The following ANAPC5 variants were observed in gnomAD, a reference collection of about 807,000 sequenced individuals.
ANAPC5 encodes the protein anaphase promoting complex subunit 5.
Under a neutral mutation model 91.3 loss-of-function variants are expected in ANAPC5, and 60 were observed. That is an observed-to-expected ratio of 0.66 (90% CI 0.53 to 0.81). The LOEUF (loss-of-function observed/expected upper bound fraction) is 0.81, where lower values mean the gene tolerates loss of function less well. ANAPC5 is among the 40% of genes least tolerant of loss of function. The probability of loss-of-function intolerance (pLI) is 0.00; values close to 1 mark genes in which losing one functional copy is unlikely to be tolerated. For missense variants in ANAPC5, 690 were observed against 931.5 expected (o/e 0.74, Z 3.37); for synonymous variants, 340 against 364.1 (o/e 0.93, Z 0.75).
chr12:121,313,546 C>T (rs930959359), intron 15 of ANAPC5, among the ~76,000 whole-genome samples: 3 of 152,030 alleles, frequency 2.0e-5, no homozygotes, highest in South Asian at 2.1e-4. Flanking sequence ...CTCAAATAAC[C>T]GAAGTCAGGG....
intron 10 of ANAPC5, 56 bp from the exon 11 acceptor site, chr12:121,327,287 G>T: frequency 6.3e-7 from 1 of 1,596,302 alleles, no homozygotes; most frequent in Non-Finnish European, 8.5e-7. Context: ...GCTGCGCTTT[G>T]GCCATGCCCG....
At chr12:121,322,166 T>G (rs1382366560) in intron 11 of ANAPC5, among the ~76,000 whole-genome samples, 1 of 120,614 alleles carries the variant, frequency 8.3e-6, no homozygotes, top group Non-Finnish European at 1.8e-5. Context: ...ACCTGGCCTG[T>G]TTTTTTTTTT....
intron 15 of ANAPC5, among the ~76,000 whole-genome samples, chr12:121,314,985 C>G (rs1287130969): frequency 1.3e-5 from 2 of 151,260 alleles, no homozygotes; most frequent in Non-Finnish European, 1.5e-5. Context: ...AGCATTTAAG[C>G]AAGAAAAAGA....
At chr12:121,324,545 GA>G (rs1198225820) in intron 11 of ANAPC5, among the ~76,000 whole-genome samples, 2 of 151,494 alleles carry the variant, frequency 1.3e-5, no homozygotes, top group African/African-American at 2.4e-5. Flanking sequence ...CTTACTCCCA[GA>G]AAAAAAAGAC....
At position 121,331,424 on chromosome 12, in the gene ANAPC5, G is replaced by C. The variant is rs1555272897; in HGVS notation, c.955C>G (p.Gln319Glu). ...GCCTCCTGCAGGGCGAGCTCTGCCT[G>C]TTGACTAATGACAGACTAAACATTA... ...ALHCRFGHYQ[Q>E]AELALQEAIR... The change falls in exon 8 of 17, where the codon CAG (glutamine) becomes GAG (glutamate). Residue 319 changes from glutamine to glutamate, a missense_variant. Physicochemically the swap from Gln to Glu is conservative, Grantham distance 29 (BLOSUM62 2). Around this residue, in one of 5 missense-constraint regions of ANAPC5, gnomAD observed 83 missense variants for 150.8 expected, o/e 0.55. Coordinates refer to ENST00000261819, the MANE Select transcript of ANAPC5 (RefSeq NM_016237.5). 1 of 1,607,838 alleles carries C rather than the reference G, an allele frequency of 6.2e-7. No individual in the cohort carries two copies. Among genetic ancestry groups the C allele is most frequent in the African/African-American group, 1.3e-5 (1 of 74,848 alleles).
upstream of ANAPC5, among the ~76,000 whole-genome samples, chr12:121,352,664 G>A (rs1162133610): frequency 6.7e-5 from 5 of 74,698 alleles, no homozygotes; most frequent in Non-Finnish European, 1.8e-4. Flanking sequence ...TGGGGTCGGG[G>A]CTGAAGGGAC....
chr12:121,327,424 T>G (rs1358758930), intron 10 of ANAPC5, 193 bp from the exon 11 acceptor site: 1 of 629,622 alleles, frequency 1.6e-6, no homozygotes, highest in Non-Finnish European at 2.7e-6. Context: ...ATCCTGGATG[T>G]GCAGCGCGAG....
At chr12:121,327,028 G>A (rs1902844699) in intron 11 of ANAPC5, 68 bp downstream of exon 11, 2 of 1,506,526 alleles carry the variant, frequency 1.3e-6, no homozygotes, top group Non-Finnish European at 1.8e-6. Flanking sequence ...CTTTCCTCAA[G>A]CATTAGAGGA....
chr12:121,311,788 G>A (rs1452982000), intron 15 of ANAPC5, among the ~76,000 whole-genome samples: 1 of 152,160 alleles, frequency 6.6e-6, no homozygotes, highest in Non-Finnish European at 1.5e-5. Context: ...AGCCATGATT[G>A]TGCCATGGTA....
At chr12:121,352,492 G>T, upstream of ANAPC5, 5 of 649,600 alleles carry the variant, frequency 7.7e-6, no homozygotes, top group Non-Finnish European at 1.3e-5. Context: ...ACCAATCAGA[G>T]CAGTCTGTCA....
chr12:121,319,114 AACACAC>A (rs144370647), intron 13 of ANAPC5, among the ~76,000 whole-genome samples: 199 of 114,636 alleles, frequency 1.7e-3, no homozygotes, highest in Middle Eastern at 9.0e-3. Flanking sequence ...TGTATACACA[AACACAC>A]ACACACACAC....
At chr12:121,346,801 T>C (rs1903683000) in intron 3 of ANAPC5, 95 bp downstream of exon 3, 1 of 652,994 alleles carries the variant, frequency 1.5e-6, no homozygotes, top group South Asian at 2.6e-5. Flanking sequence ...CCACTGTGTC[T>C]GTTCACAGAT....
intron 11 of ANAPC5, among the ~76,000 whole-genome samples, chr12:121,325,315 T>C (rs1902765192): frequency 1.3e-5 from 2 of 151,748 alleles, no homozygotes. Flanking sequence ...ACATAAAAAT[T>C]AGCTGGGAGT....
At chr12:121,326,892 T>C (rs543983738) in intron 11 of ANAPC5, among the ~76,000 whole-genome samples, 8 of 152,338 alleles carry the variant, frequency 5.3e-5, no homozygotes, top group African/African-American at 1.7e-4. Flanking sequence ...ATTCCCTTCA[T>C]TGATGCCAAA....
intron 7 of ANAPC5, chr12:121,335,115 C>T (rs576504648): frequency 4.5e-4 from 69 of 152,992 alleles, no homozygotes; most frequent in Non-Finnish European, 8.6e-4. Context: ...GAATTCATTT[C>T]TTCCATTTCT....
intron 9 of ANAPC5, 71 bp from the exon 10 acceptor site, chr12:121,328,568 T>C: frequency 1.4e-6 from 2 of 1,443,092 alleles, no homozygotes; most frequent in Non-Finnish European, 1.9e-6. Context: ...TCTTCAGAAA[T>C]GTGGTGGATT....
intron 15 of ANAPC5, among the ~76,000 whole-genome samples, chr12:121,314,146 AAT>A (rs1304834584): frequency 6.6e-6 from 1 of 152,220 alleles, no homozygotes; most frequent in Non-Finnish European, 1.5e-5. Context: ...TCACGCCTGT[AAT>A]CCCAGTACCT....
At chr12:121,337,493 G>T (rs1206304545) in intron 5 of ANAPC5, 101 bp from the exon 6 acceptor site, 1 of 873,780 alleles carries the variant, frequency 1.1e-6, no homozygotes, top group East Asian at 2.8e-5. Context: ...TTCTACAGGG[G>T]TCCCTTCAGG....
rs782292084 is a variant in ANAPC5, at chr12:121,347,843, A to C, written c.246T>G (p.Ile82Met). The C allele has an allele frequency of 9.9e-6, 16 of 1,613,756 alleles. No individual in the cohort carries two copies. Among genetic ancestry groups the C allele is most frequent in the Admixed American group, 5.0e-5 (3 of 59,992 alleles). The change falls in exon 2 of 17, where the codon ATT becomes ATG. Residue 82 changes from isoleucine (I) to methionine (M), a missense_variant. By Grantham distance (10) the Ile-to-Met change is conservative. Around this residue, in one of 5 missense-constraint regions of ANAPC5, gnomAD observed 238 missense variants for 264.9 expected, o/e 0.90. Coordinates refer to ENST00000261819, the MANE Select transcript of ANAPC5 (RefSeq NM_016237.5). ...TTGCCAGCTGTGGACAAGACTCTTC[A>C]ATTAACTTGTAAAGTTTTGACAGTG... is the stretch of plus-strand genomic sequence containing the variant. Reference protein sequence around the residue: ...DITLSKLYKLIEESCPQLANS... With the variant: ...DITLSKLYKLMEESCPQLANS...
Sources: gnomAD v4.1 joint callset for allele counts (sites outside exome capture counted in the v4.1 genomes callset) on GRCh38, gnomAD v4.1.1 for gene constraint, gnomAD v4.1.1 regional missense constraint, MANE v1.5 for transcripts, NCBI Gene and HGNC (gene_info 2026-07-23, HGNC 2026-07-21) for gene names.